The following TMEM184B variants were observed in gnomAD, a reference collection of about 807,000 sequenced individuals.
TMEM184B encodes putative MAPK-activating protein FM08.
A neutral mutation model predicts 41.8 loss-of-function variants in TMEM184B; 17 were observed. That is an observed-to-expected ratio of 0.41 (90% CI 0.28 to 0.61). TMEM184B has a LOEUF of 0.61. Ranked by LOEUF, TMEM184B falls within the 20% of genes least tolerant of loss-of-function variation. The pLI is 0.34. For missense variants in TMEM184B, 393 were observed against 557.8 expected, an observed-to-expected ratio of 0.70 and a Z score of 2.98; for synonymous variants, 240 against 229.5, an observed-to-expected ratio of 1.05 and a Z score of -0.41.
Position 38,220,068 on chromosome 22 carries a change from GC to G in TMEM184B, c.*1400del. On this transcript the variant is annotated 3_prime_UTR_variant, in exon 9 of 9. Coordinates refer to ENST00000361906, the MANE Select transcript of TMEM184B (RefSeq NM_012264.5). ...CTACCAGCTTCTCCAGGTGACTGCA[GC>G]CCAAACCCAGGGATAATCTGGGTTT... 1 of 985,534 alleles carries G rather than the reference GC, an allele frequency of 1.0e-6. No homozygotes were observed. The allele number at this position is 985,534 out of a possible 1,614,324, so 61.0% of individuals were successfully genotyped here.
In TMEM184B at chr22:38,220,231, G is replaced by C. The variant is rs2091221940; in HGVS notation, c.*1238C>G. 20 of 985,780 alleles carry C rather than the reference G, an allele frequency of 2.0e-5. No homozygotes were observed. The highest frequency in any genetic ancestry group is 9.4e-5 in the South Asian group (2 of 21,288). The allele number at this position is 985,780 out of a possible 1,614,324, so 61.1% of individuals were successfully genotyped here. ...AGAGGTGTGGAGGGGGAGAGGAGGGGCTTGGTGGTCCTGACCACTCCTGAG... is the reference window on the plus strand; with the variant it reads ...AGAGGTGTGGAGGGGGAGAGGAGGGCCTTGGTGGTCCTGACCACTCCTGAG... On this transcript the variant is annotated 3_prime_UTR_variant, in exon 9 of 9. Coordinates refer to ENST00000361906, the MANE Select transcript of TMEM184B (RefSeq NM_012264.5).
intron 1 of TMEM184B, among the ~76,000 whole-genome samples, chr22:38,265,817 C>T (rs2092435527): frequency 6.6e-6 from 1 of 152,220 alleles, no homozygotes; most frequent in African/African-American, 2.4e-5. Context: ...ACCACAGGCG[C>T]TAGAGGTGGG....
At chr22:38,237,426 C>T (rs944889849) in intron 3 of TMEM184B, among the ~76,000 whole-genome samples, 1 of 152,234 alleles carries the variant, frequency 6.6e-6, no homozygotes, top group Non-Finnish European at 1.5e-5. Flanking sequence ...TGCGGGACCC[C>T]GATGACCCTG....
rs989226240 is a variant in TMEM184B at position 38,231,469 on chromosome 22, G to A, written c.359-135C>T. ...CAGGGAGGAGGCTGGGGGACATAAG[G>A]TTGTGCAAAAGGAGCCCGTCAAGAA... On this transcript the variant is annotated intron_variant, in intron 3 of 8. Transcript: ENST00000361906. 13 of 797,810 alleles carry A rather than the reference G, an allele frequency of 1.6e-5. 1 individual carries two copies. In the Admixed American group the frequency reaches 2.1e-4, roughly 13 times the overall value. 49.4% of individuals were successfully genotyped at this position (797,810 alleles called of 1,614,324 possible).
rs796536438 is a variant in TMEM184B, at chr22:38,224,792, G to A, written c.975C>T (p.Asp325=). 54 of 1,598,604 alleles carry A rather than the reference G, an allele frequency of 3.4e-5. No homozygotes were observed. The highest frequency in any genetic ancestry group is 1.1e-4 in the African/African-American group (8 of 74,458). The change falls in exon 8 of 9, where the codon GAC becomes GAT. Residue 325 remains aspartate, a synonymous_variant. Coordinates refer to ENST00000361906, the MANE Select transcript of TMEM184B (RefSeq NM_012264.5). ...TYKVYADKRL[D]AQGRCAPMKS... is the part of the protein sequence containing the mutation. ...TAGGACCCTGGCTCATACCTTGTGC[G>A]TCCAGCCTCTTGTCAGCATAGACCT...
downstream of TMEM184B, among the ~76,000 whole-genome samples, chr22:38,217,048 C>T (rs1448717472): frequency 4.0e-5 from 6 of 148,440 alleles, no homozygotes; most frequent in African/African-American, 1.0e-4. Flanking sequence ...GAAAACAGGC[C>T]GGGCGCAGTG....
chr22:38,219,447 ACT>A lies in TMEM184B; in HGVS notation c.*2020_*2021del, dbSNP rs955065708. 8 of 985,126 alleles carry A rather than the reference ACT, an allele frequency of 8.1e-6. No individual in the cohort carries two copies. Among genetic ancestry groups the A allele is most frequent in the East Asian group, 1.1e-4 (1 of 8,802 alleles). The allele number at this position is 985,126 out of a possible 1,614,324, so 61.0% of individuals were successfully genotyped here. A position where few individuals can be genotyped will look rare whatever the true frequency, so the allele number is the denominator to read the frequency against. On this transcript the variant is annotated 3_prime_UTR_variant, in exon 9 of 9. Coordinates refer to ENST00000361906, the MANE Select transcript of TMEM184B (RefSeq NM_012264.5). ...ATACAACAAGATACAAAACTAGGAG[ACT>A]CTGTCTTCTCATACATCATACAATT...
chr22:38,260,055 C>T (rs1187711476), intron 1 of TMEM184B, among the ~76,000 whole-genome samples: 3 of 151,464 alleles, frequency 2.0e-5, no homozygotes, highest in Non-Finnish European at 2.9e-5. Context: ...GGACTACAGG[C>T]GCGTGCCACC....
chr22:38,233,112 A>G (rs1269227221), intron 3 of TMEM184B, among the ~76,000 whole-genome samples: 1 of 152,208 alleles, frequency 6.6e-6, no homozygotes, highest in Non-Finnish European at 1.5e-5. Flanking sequence ...AGCCCTGGTG[A>G]TGTTTTTTAG....
At chr22:38,232,989 C>A (rs1217401479) in intron 3 of TMEM184B, among the ~76,000 whole-genome samples, 1 of 152,168 alleles carries the variant, frequency 6.6e-6, no homozygotes, top group East Asian at 1.9e-4. Context: ...CACTTCCCAC[C>A]CTGTGTCACA....
At position 38,219,528 on chromosome 22, in the gene TMEM184B, TAAAA is replaced by T. The variant is rs141270389; in HGVS notation, c.*1937_*1940del. 1 of 823,116 alleles carries T rather than the reference TAAAA, an allele frequency of 1.2e-6. No homozygotes were observed. Among genetic ancestry groups the T allele is most frequent in the African/African-American group, 1.9e-5 (1 of 53,750 alleles). 51.0% of individuals were successfully genotyped at this position (823,116 alleles called of 1,614,324 possible). On this transcript the variant is annotated 3_prime_UTR_variant, in exon 9 of 9. Transcript: ENST00000361906. ...GAGCTACTCTACCTGGAAAGAAAAT[TAAAA>T]AAAAAAAAGACAAGGTAGGTTATGC... is the stretch of plus-strand genomic sequence containing the variant.
At chr22:38,248,815 A>G (rs2092098497) in intron 1 of TMEM184B, among the ~76,000 whole-genome samples, 1 of 152,064 alleles carries the variant, frequency 6.6e-6, no homozygotes, top group Non-Finnish European at 1.5e-5. Context: ...AGCCAGTAAA[A>G]CCACTTTACT....
intron 3 of TMEM184B, among the ~76,000 whole-genome samples, chr22:38,232,936 G>A (rs1174429795): frequency 3.3e-5 from 5 of 152,136 alleles, no homozygotes; most frequent in African/African-American, 7.2e-5. Flanking sequence ...GGTGACCATC[G>A]TGGAGGTGAG....
At chr22:38,269,855 G>A (rs927801104) in intron 1 of TMEM184B, among the ~76,000 whole-genome samples, 7 of 152,126 alleles carry the variant, frequency 4.6e-5, no homozygotes, top group African/African-American at 1.4e-4. Flanking sequence ...AGAGAAAGGC[G>A]GCGGGGTCTA....
At chr22:38,248,744 C>T (rs2092096997) in intron 1 of TMEM184B, among the ~76,000 whole-genome samples, 1 of 152,202 alleles carries the variant, frequency 6.6e-6, no homozygotes, top group Non-Finnish European at 1.5e-5. Context: ...CACTGGGAAC[C>T]GTGGACACAC....
chr22:38,267,605 G>T (rs1352112731), intron 1 of TMEM184B, among the ~76,000 whole-genome samples: 2 of 151,944 alleles, frequency 1.3e-5, no homozygotes, highest in African/African-American at 4.8e-5. Flanking sequence ...GCTGATTTTT[G>T]TATTTTTAGT....
intron 3 of TMEM184B, 67 bp from the exon 4 acceptor site, chr22:38,231,401 T>C: frequency 2.4e-6 from 3 of 1,264,392 alleles, no homozygotes; most frequent in Non-Finnish European, 3.5e-6. Context: ...GCTGGGATTC[T>C]AAACAGCAAT....
intron 1 of TMEM184B, among the ~76,000 whole-genome samples, chr22:38,265,305 C>A (rs1188761583): frequency 6.6e-6 from 1 of 152,196 alleles, no homozygotes; most frequent in Non-Finnish European, 1.5e-5. Flanking sequence ...CCTCAGCTCA[C>A]CCCCAGGCAG....
At chr22:38,224,657 CAT>C in intron 8 of TMEM184B, 126 bp downstream of exon 8, 1 of 927,556 alleles carries the variant, frequency 1.1e-6, no homozygotes, top group Non-Finnish European at 1.5e-6. Context: ...CCCATTCCTG[CAT>C]ATAGAGTGGG....
Sources: allele counts gnomAD v4.1 joint callset (sites outside exome capture counted in the v4.1 genomes callset), GRCh38; gene constraint gnomAD v4.1.1; transcripts MANE v1.5; gene names NCBI Gene and HGNC (gene_info 2026-07-23, HGNC 2026-07-21).